The following SHCBP1L variants were observed in gnomAD, a reference collection of about 807,000 sequenced individuals.
SHCBP1L encodes SHC binding and spindle associated 1 like, also known as testicular spindle-associated protein SHCBP1L.
SHCBP1L carries 67 observed loss-of-function variants against 62.5 expected under a neutral mutation model. That is an observed-to-expected ratio of 1.07 (90% CI 0.88 to 1.31). The LOEUF (loss-of-function observed/expected upper bound fraction) is 1.31, where lower values mean the gene tolerates loss of function less well. Among genes scored for constraint, SHCBP1L ranks in the 40% most tolerant of loss-of-function variants. The pLI is 0.00. For missense variants in SHCBP1L, 823 were observed against 809.8 expected, an observed-to-expected ratio of 1.02 and a Z score of -0.20; for synonymous variants, 284 against 289.4, an observed-to-expected ratio of 0.98 and a Z score of 0.19.
At chr1:182,917,697 T>G (rs1026771473) in intron 6 of SHCBP1L, among the ~76,000 whole-genome samples, 1 of 152,202 alleles carries the variant, frequency 6.6e-6, no homozygotes, top group Non-Finnish European at 1.5e-5. Context: ...ACTCCTGATG[T>G]CTTTTTCTGT....
intron 9 of SHCBP1L, among the ~76,000 whole-genome samples, chr1:182,902,061 C>CTTTTTTTTTTTTT (rs1156301250): frequency 1.6e-4 from 20 of 127,566 alleles, no homozygotes; most frequent in Non-Finnish European, 2.0e-4. Flanking sequence ...CTTTTTTTTT[C>CTTTTTTTTTTTTT]TTTTTTTTTT....
chr1:182,931,807 C>A (rs1167087838), intron 5 of SHCBP1L, among the ~76,000 whole-genome samples: 2 of 152,160 alleles, frequency 1.3e-5, no homozygotes, highest in African/African-American at 4.8e-5. Context: ...AGAGTTGACT[C>A]TTGGTGTTGT....
rs1650653248 is a variant in SHCBP1L at position 182,924,783 on chromosome 1, A to AGAAG, written c.1182+4863_1182+4864insCTTC. Reference sequence around the variant, plus strand: ...AAGAAAGAAAGAAAGAAAGAAAGAAAGAAAGAGAGAAAGAAAGGAAGGAAG... The same window carrying AGAAG: ...AAGAAAGAAAGAAAGAAAGAAAGAAAGAAGGAAAGAGAGAAAGAAAGGAAGGAAG... On this transcript the variant is annotated intron_variant, in intron 6 of 9. Coordinates refer to ENST00000367547, the MANE Select transcript of SHCBP1L (RefSeq NM_030933.4). 7.5e-5 allele frequency among the ~76,000 whole-genome samples: 8 copies of AGAAG among 107,362 alleles called. 1 individual carries two copies. The highest frequency in any genetic ancestry group is 4.4e-4 in the Admixed American group (5 of 11,326). The allele number at this position is 107,362 out of a possible 152,430, so 70.4% of individuals were successfully genotyped here. A position where few individuals can be genotyped will look rare whatever the true frequency, so the allele number is the denominator to read the frequency against.
intron 6 of SHCBP1L, among the ~76,000 whole-genome samples, chr1:182,919,042 C>T (rs1015346836): frequency 2.0e-5 from 3 of 152,262 alleles, no homozygotes; most frequent in Admixed American, 6.5e-5. Context: ...AACCATAAAA[C>T]TCTTAGGAAA....
Position 182,903,118 on chromosome 1 carries a change from T to C in SHCBP1L, c.1631A>G (p.Glu544Gly), listed in dbSNP as rs777379621. ...ATTACAGTGATGAATTTCATTTCTTTCCAAAATAGCTATGCTTCCAGGATA... is the reference window on the plus strand; with the variant it reads ...ATTACAGTGATGAATTTCATTTCTTCCCAAAATAGCTATGCTTCCAGGATA... ...ELYPGSIAIL[E>G]RNEIHHCNNL... The change falls in exon 9 of 10, where the codon GAA becomes GGA. Residue 544 changes from glutamate to glycine, a missense_variant. By Grantham distance (98) the Glu-to-Gly change is moderately conservative. Coordinates refer to ENST00000367547, the MANE Select transcript of SHCBP1L (RefSeq NM_030933.4). 1.9e-6 allele frequency: 3 copies of C among 1,602,312 alleles called. No homozygotes were observed. Among genetic ancestry groups the C allele is most frequent in the East Asian group, 4.5e-5 (2 of 44,342 alleles).
Position 182,903,125 on chromosome 1 carries a change from TAG to T in SHCBP1L, c.1622_1623del (p.Ala541AspfsTer6). ...TGATGAATTTCATTTCTTTCCAAAATAGCTATGCTTCCAGGATACAGTTCAAC... is the reference window on the plus strand; with the variant it reads ...TGATGAATTTCATTTCTTTCCAAAATCTATGCTTCCAGGATACAGTTCAAC... ...AGVELYPGSI[A>X]ILERNEIHHC... On this transcript the variant is annotated frameshift_variant, in exon 9 of 10. Coordinates refer to ENST00000367547, the MANE Select transcript of SHCBP1L (RefSeq NM_030933.4). LOFTEE classifies it high-confidence loss of function. The T allele has an allele frequency of 1.9e-6, 3 of 1,601,652 alleles. No individual in the cohort carries two copies. Among genetic ancestry groups the T allele is most frequent in the Non-Finnish European group, 2.6e-6 (3 of 1,173,622 alleles).
intron 8 of SHCBP1L, 51 bp from the exon 9 acceptor site, chr1:182,903,212 C>G: frequency 7.1e-7 from 1 of 1,411,460 alleles, no homozygotes; most frequent in Non-Finnish European, 9.3e-7. Context: ...ACACAAACCT[C>G]TCTCCAAAAT....
intron 6 of SHCBP1L, among the ~76,000 whole-genome samples, chr1:182,924,770 AAGAAAGAAAG>A (rs1650647551): frequency 9.0e-6 from 1 of 110,584 alleles, no homozygotes; most frequent in African/African-American, 5.4e-5. Context: ...GAAAGAAAGA[AAGAAAGAAAG>A]AAAGAAAGAG....
At chr1:182,951,117 C>A (rs1651727853) in intron 2 of SHCBP1L, among the ~76,000 whole-genome samples, 1 of 152,130 alleles carries the variant, frequency 6.6e-6, no homozygotes, top group Non-Finnish European at 1.5e-5. Flanking sequence ...TCTGATACTA[C>A]TAGATTCCAT....
intron 7 of SHCBP1L, among the ~76,000 whole-genome samples, chr1:182,904,783 T>C (rs1421536060): frequency 2.6e-5 from 4 of 151,484 alleles, no homozygotes; most frequent in African/African-American, 9.7e-5. Flanking sequence ...TTTGAGACAG[T>C]CTTGCTCTTT....
intron 6 of SHCBP1L, among the ~76,000 whole-genome samples, chr1:182,924,889 GACAA>G (rs1650666204): frequency 8.3e-6 from 1 of 121,098 alleles, no homozygotes; most frequent in African/African-American, 3.6e-5. Context: ...GGAAGGGAAA[GACAA>G]AGAGAGAGAG....
rs764913921 is a variant in SHCBP1L at position 182,939,141 on chromosome 1, C to G, written c.1076+35G>C. 20 of 1,516,252 alleles carry G rather than the reference C, an allele frequency of 1.3e-5. No homozygotes were observed. In the South Asian group the frequency reaches 2.1e-4, roughly 16 times the overall value. The allele number at this position is 1,516,252 out of a possible 1,614,324, so 93.9% of individuals were successfully genotyped here. A position where few individuals can be genotyped will look rare whatever the true frequency, so the allele number is the denominator to read the frequency against. ...TATGATAAAATAATAACCATGTAAA[C>G]TTTTGCTTCTATTTGAAATAGAGCA... is the stretch of plus-strand genomic sequence containing the variant. On this transcript the variant is annotated intron_variant, in intron 5 of 9. Transcript: ENST00000367547.
In SHCBP1L at chr1:182,940,543, C is replaced by T; in HGVS notation, c.556G>A (p.Val186Ile). The T allele has an allele frequency of 1.2e-6, 2 of 1,611,704 alleles. No homozygotes were observed. Among genetic ancestry groups the T allele is most frequent in the Non-Finnish European group, 1.7e-6 (2 of 1,178,616 alleles). ...GAGTCTTGGTATGGTTCACAAGTTA[C>T]CTAAGATAAATATCATAAGAGATAA... ...SIPFVGILVEVTCEPYQDSSS... is the reference protein window; with the variant it reads ...SIPFVGILVEITCEPYQDSSS... The change falls in exon 3 of 10, where the codon GTA (valine) becomes ATA (isoleucine). Residue 186 changes from valine to isoleucine, a missense_variant and splice_region_variant. By Grantham distance (29) the Val-to-Ile change is conservative. Coordinates refer to ENST00000367547, the MANE Select transcript of SHCBP1L (RefSeq NM_030933.4).
intron 6 of SHCBP1L, among the ~76,000 whole-genome samples, chr1:182,912,027 G>T (rs1357456553): frequency 6.6e-6 from 1 of 152,210 alleles, no homozygotes; most frequent in African/African-American, 2.4e-5. Flanking sequence ...ATAATGTTGG[G>T]TGCTTTAGGC....
chr1:182,926,653 A>G (rs77991592), intron 6 of SHCBP1L, among the ~76,000 whole-genome samples: 183 of 152,174 alleles, frequency 1.2e-3, no homozygotes, highest in Non-Finnish European at 2.2e-3. Context: ...TATGTTCTCC[A>G]ACATCACACT....
intron 6 of SHCBP1L, among the ~76,000 whole-genome samples, chr1:182,920,089 C>T (rs1196969571): frequency 6.6e-6 from 1 of 152,216 alleles, no homozygotes; most frequent in Non-Finnish European, 1.5e-5. Flanking sequence ...CCTGCTGCAC[C>T]GCTGCCACTG....
chr1:182,934,539 G>A (rs1006424160), intron 5 of SHCBP1L, among the ~76,000 whole-genome samples: 1 of 152,000 alleles, frequency 6.6e-6, no homozygotes, highest in Non-Finnish European at 1.5e-5. Context: ...TGGGTTGTTT[G>A]TTATGTTTGA....
chr1:182,951,807 G>A, intron 1 of SHCBP1L: 1 of 230,896 alleles, frequency 4.3e-6, no homozygotes, highest in South Asian at 4.4e-5. Flanking sequence ...AAATAGGTTA[G>A]AAACATGAAA....
At chr1:182,931,908 T>C (rs1330985354) in intron 5 of SHCBP1L, among the ~76,000 whole-genome samples, 1 of 151,154 alleles carries the variant, frequency 6.6e-6, no homozygotes, top group Non-Finnish European at 1.5e-5. Context: ...GAATTCTCTA[T>C]GCTCTGCCTC....
Sources: gnomAD v4.1 joint callset for allele counts (sites outside exome capture counted in the v4.1 genomes callset) on GRCh38, gnomAD v4.1.1 for gene constraint, MANE v1.5 for transcripts, NCBI Gene and HGNC (gene_info 2026-07-23, HGNC 2026-07-21) for gene names.